TFCP2: variants seen among roughly 807,000 people sequenced by gnomAD.
TFCP2 encodes the protein alpha-globin transcription factor CP2.
In TFCP2, 33 loss-of-function variants were observed where a neutral mutation model predicts 73.4. That is an observed-to-expected ratio of 0.45 (90% CI 0.34 to 0.60). The LOEUF (loss-of-function observed/expected upper bound fraction) is 0.60. Ranked by LOEUF, TFCP2 falls within the 20% of genes least tolerant of loss-of-function variation. The pLI is 0.01. For synonymous variants in TFCP2, 193 were observed against 211.6 expected (o/e 0.91, Z 0.76); for missense variants, 352 against 604.0 (o/e 0.58, Z 4.37).
chr12:51,118,312 T>C (rs113649264), intron 2 of TFCP2, among the ~76,000 whole-genome samples: 3 of 152,288 alleles, frequency 2.0e-5, no homozygotes, highest in African/African-American at 4.8e-5. Flanking sequence ...CCCAGCACTT[T>C]GGGAGGCCAA....
chr12:51,147,451 T>C (rs1401384987), intron 1 of TFCP2, among the ~76,000 whole-genome samples: 1 of 151,890 alleles, frequency 6.6e-6, no homozygotes, highest in Non-Finnish European at 1.5e-5. Context: ...ACTTGAGGCA[T>C]AGTGAGAGTC....
At chr12:51,150,087 G>C (rs1941389606) in intron 1 of TFCP2, among the ~76,000 whole-genome samples, 1 of 152,036 alleles carries the variant, frequency 6.6e-6, no homozygotes, top group South Asian at 2.1e-4. Flanking sequence ...TTCTCAGCAT[G>C]TCTTTATATT....
chr12:51,164,763 A>G (rs1941720061), intron 1 of TFCP2, among the ~76,000 whole-genome samples: 1 of 152,182 alleles, frequency 6.6e-6, no homozygotes, highest in East Asian at 1.9e-4. Context: ...TGACTAAACC[A>G]GCATATTAGA....
At chr12:51,171,317 G>A (rs994666990) in intron 1 of TFCP2, among the ~76,000 whole-genome samples, 9 of 152,180 alleles carry the variant, frequency 5.9e-5, no homozygotes, top group Non-Finnish European at 1.2e-4. Context: ...GAGGAATGAA[G>A]CAGCCAATGC....
At chr12:51,162,574 G>A (rs532163135) in intron 1 of TFCP2, among the ~76,000 whole-genome samples, 146 of 152,186 alleles carry the variant, frequency 9.6e-4, no homozygotes, top group African/African-American at 3.2e-3. Context: ...TTTTTGTGGT[G>A]AAAACACTTA....
At chr12:51,100,778 C>T (rs962355660) in intron 11 of TFCP2, among the ~76,000 whole-genome samples, 3 of 152,078 alleles carry the variant, frequency 2.0e-5, no homozygotes, top group Non-Finnish European at 2.9e-5. Context: ...TGCATTGCTG[C>T]ACTCCAGGCT....
intron 1 of TFCP2, among the ~76,000 whole-genome samples, chr12:51,147,661 TA>T (rs1941327463): frequency 1.3e-5 from 2 of 152,154 alleles, no homozygotes; most frequent in Non-Finnish European, 2.9e-5. Context: ...AGCAAAGACT[TA>T]AATCTAAGAC....
chr12:51,106,898 C>A, intron 7 of TFCP2: 1 of 490,544 alleles, frequency 2.0e-6, no homozygotes. Flanking sequence ...CACAGCTCTT[C>A]CTAAAATTGA....
intron 1 of TFCP2, among the ~76,000 whole-genome samples, chr12:51,152,467 A>G (rs1234922359): frequency 2.0e-5 from 3 of 152,246 alleles, no homozygotes; most frequent in African/African-American, 4.8e-5. Context: ...CAAAATCTGA[A>G]TAAGGTCTAT....
In TFCP2 at chr12:51,093,876, C is replaced by T. The variant is rs1364309338; in HGVS notation, c.*1365G>A. ...CACACACACAAATCCAAATCCAATACACAATCTTAGAACATTATCTTTGTG... is the reference window on the plus strand; with the variant it reads ...CACACACACAAATCCAAATCCAATATACAATCTTAGAACATTATCTTTGTG... On this transcript the variant is annotated 3_prime_UTR_variant, in exon 15 of 15. Coordinates refer to ENST00000257915, the MANE Select transcript of TFCP2 (RefSeq NM_005653.5). 1.3e-5 allele frequency: 2 copies of T among 149,522 alleles called. No individual in the cohort carries two copies. The highest frequency in any genetic ancestry group is 2.1e-4 in the South Asian group (1 of 4,756). The allele number at this position is 149,522 out of a possible 1,614,324, so 9.3% of individuals were successfully genotyped here.
At chr12:51,125,026 C>T (rs113765107) in intron 1 of TFCP2, 7 of 740,852 alleles carry the variant, frequency 9.4e-6, no homozygotes, top group African/African-American at 6.9e-5. Flanking sequence ...CGAGCCACCA[C>T]TGACTTGAGG....
chr12:51,123,719 C>T (rs1592806788), intron 1 of TFCP2, among the ~76,000 whole-genome samples: 1 of 152,266 alleles, frequency 6.6e-6, no homozygotes, highest in East Asian at 1.9e-4. Flanking sequence ...AGCCACTGTG[C>T]CTAGATTAAT....
At chr12:51,124,049 C>A (rs1185788496) in intron 1 of TFCP2, among the ~76,000 whole-genome samples, 1 of 152,068 alleles carries the variant, frequency 6.6e-6, no homozygotes, top group Admixed American at 6.6e-5. Flanking sequence ...AATCCTCACA[C>A]AAAAACAGTA....
chr12:51,166,396 T>C (rs1336712143), intron 1 of TFCP2, among the ~76,000 whole-genome samples: 2 of 151,452 alleles, frequency 1.3e-5, no homozygotes, highest in Middle Eastern at 3.4e-3. Context: ...TGACCCTGCC[T>C]CAAAAGAAAA....
At chr12:51,134,990 G>A (rs1941030051) in intron 1 of TFCP2, among the ~76,000 whole-genome samples, 1 of 152,022 alleles carries the variant, frequency 6.6e-6, no homozygotes, top group Non-Finnish European at 1.5e-5. Flanking sequence ...TGCACCTGTA[G>A]TCCCAGCTAC....
chr12:51,129,688 C>G (rs1038863575), intron 1 of TFCP2, among the ~76,000 whole-genome samples: 1 of 152,066 alleles, frequency 6.6e-6, no homozygotes, highest in Non-Finnish European at 1.5e-5. Context: ...GAGTTGACCT[C>G]TTTAAGAGGG....
intron 1 of TFCP2, among the ~76,000 whole-genome samples, chr12:51,157,894 T>G (rs1236682252): frequency 6.6e-6 from 1 of 151,982 alleles, no homozygotes; most frequent in Non-Finnish European, 1.5e-5. Context: ...GCCACGCTGG[T>G]CTCGAACTCC....
intron 1 of TFCP2, among the ~76,000 whole-genome samples, chr12:51,167,092 T>C (rs1478646135): frequency 6.6e-6 from 1 of 152,244 alleles, no homozygotes; most frequent in Non-Finnish European, 1.5e-5. Context: ...CTTTTGTGAC[T>C]GGCTCCTTCA....
intron 1 of TFCP2, among the ~76,000 whole-genome samples, chr12:51,163,544 C>G (rs953160824): frequency 6.6e-6 from 1 of 151,820 alleles, no homozygotes; most frequent in Non-Finnish European, 1.5e-5. Context: ...GAGCCAAGAT[C>G]ACGCCACTGT....
Sources: allele counts gnomAD v4.1 joint callset (sites outside exome capture counted in the v4.1 genomes callset), GRCh38; gene constraint gnomAD v4.1.1; transcripts MANE v1.5; gene names NCBI Gene and HGNC (gene_info 2026-07-23, HGNC 2026-07-21).